CACNA2D3: variants seen among roughly 807,000 people sequenced by gnomAD.
CACNA2D3 encodes the protein calcium voltage-gated channel auxiliary subunit alpha2delta 3.
Under a neutral mutation model 160.6 loss-of-function variants are expected in CACNA2D3, and 60 were observed. The observed-to-expected ratio is 0.37, with a 90% CI of 0.30 to 0.46. CACNA2D3 has a LOEUF of 0.46. CACNA2D3 is among the 20% of genes least tolerant of loss of function. The pLI is 1.00. For missense variants in CACNA2D3, 1,205 were observed against 1,365.0 expected (o/e 0.88, Z 1.85); for synonymous variants, 558 against 492.9 (o/e 1.13, Z -1.75).
chr3:54,657,460 C>G (rs1348158115), intron 11 of CACNA2D3, among the ~76,000 whole-genome samples: 1 of 152,186 alleles, frequency 6.6e-6, no homozygotes, highest in African/African-American at 2.4e-5. Context: ...CAATGTTATA[C>G]AGCAGATCAC....
intron 4 of CACNA2D3, among the ~76,000 whole-genome samples, chr3:54,412,674 G>T (rs1699689629): frequency 8.8e-6 from 1 of 113,320 alleles, no homozygotes. Flanking sequence ...TACACTTTAT[G>T]TAATTATTCA....
intron 3 of CACNA2D3, among the ~76,000 whole-genome samples, chr3:54,378,659 A>T (rs1179765726): frequency 2.0e-5 from 3 of 152,124 alleles, no homozygotes; most frequent in African/African-American, 7.2e-5. Context: ...TTGATAATCA[A>T]CTCTAAAACA....
At chr3:54,413,801 G>C (rs1699710680) in intron 4 of CACNA2D3, among the ~76,000 whole-genome samples, 2 of 146,982 alleles carry the variant, frequency 1.4e-5, no homozygotes, top group African/African-American at 5.0e-5. Flanking sequence ...CACTGATTAT[G>C]TTTTTTTTTA....
chr3:55,025,406 C>T (rs577191717), intron 35 of CACNA2D3, among the ~76,000 whole-genome samples: 5 of 151,848 alleles, frequency 3.3e-5, no homozygotes, highest in East Asian at 1.9e-4. Flanking sequence ...CTGAGGCAGG[C>T]GTATCACTTG....
At chr3:54,507,817 C>T (rs1421063519) in intron 5 of CACNA2D3, among the ~76,000 whole-genome samples, 1 of 152,218 alleles carries the variant, frequency 6.6e-6, no homozygotes, top group Non-Finnish European at 1.5e-5. Flanking sequence ...TCTGTAACTG[C>T]ATACAATACC....
chr3:54,594,814 C>T (rs1438318920), intron 9 of CACNA2D3, among the ~76,000 whole-genome samples: 7 of 152,054 alleles, frequency 4.6e-5, no homozygotes, highest in African/African-American at 1.7e-4. Context: ...GGTCCTGGGC[C>T]CAGATGTATT....
At chr3:54,957,007 T>A (rs1701914377) in intron 27 of CACNA2D3, among the ~76,000 whole-genome samples, 1 of 152,210 alleles carries the variant, frequency 6.6e-6, no homozygotes. Flanking sequence ...ATATCAAGTT[T>A]GCAGGATGTT....
chr3:54,695,416 C>A (rs767891714), intron 11 of CACNA2D3, among the ~76,000 whole-genome samples: 5 of 149,552 alleles, frequency 3.3e-5, no homozygotes, highest in Non-Finnish European at 7.4e-5. Context: ...AAACCATCAT[C>A]TTTGTGCATA....
intron 3 of CACNA2D3, among the ~76,000 whole-genome samples, chr3:54,324,729 C>A (rs1027605862): frequency 6.6e-6 from 1 of 152,082 alleles, no homozygotes; most frequent in African/African-American, 2.4e-5. Context: ...AGCAGTTTGT[C>A]AAGTTTTAAG....
At chr3:54,471,085 A>G (rs780972407) in intron 4 of CACNA2D3, among the ~76,000 whole-genome samples, 18 of 152,196 alleles carry the variant, frequency 1.2e-4, no homozygotes, top group Non-Finnish European at 2.5e-4. Context: ...AGAACTCTCC[A>G]CCCCAAATAA....
chr3:54,501,195 C>T (rs1014622429), intron 4 of CACNA2D3, among the ~76,000 whole-genome samples: 2 of 152,168 alleles, frequency 1.3e-5, no homozygotes, highest in Admixed American at 6.5e-5. Context: ...CACATTGGAA[C>T]ACCTAAAATT....
rs529036973 is a variant in CACNA2D3 at position 54,447,779 on chromosome 3, C to T, written c.382-55713C>T. ...GCTGCAAGGATTAGTCTTGTCTTGA[C>T]GTGTATTGCTGTGAGCCAACCTTTG... On this transcript the variant is annotated intron_variant, in intron 4 of 37. Transcript: ENST00000474759. 3.3e-4 allele frequency among the ~76,000 whole-genome samples: 51 copies of T among 152,306 alleles called. 1 individual carries two copies. Among genetic ancestry groups the T allele is most frequent in the Non-Finnish European group, 4.9e-4 (33 of 68,034 alleles).
chr3:55,049,841 C>T (rs1325373565), intron 35 of CACNA2D3, among the ~76,000 whole-genome samples: 4 of 148,478 alleles, frequency 2.7e-5, no homozygotes, highest in African/African-American at 7.5e-5. Flanking sequence ...TGAATTGATC[C>T]CTTTACCATT....
chr3:54,732,031 T>G lies in CACNA2D3; in HGVS notation c.1168-20568T>G, dbSNP rs189165809. On this transcript the variant is annotated intron_variant, in intron 11 of 37. Transcript: ENST00000474759. ...TCATCTTCAAATGTTTGTGGGTTGA[T>G]GTTCACATGTCCTCATTCTGTTTTT... Among the ~76,000 whole-genome samples the G allele has an allele frequency of 4.8e-3, 724 of 152,358 alleles. 5 individuals are homozygous for G. Among genetic ancestry groups the G allele is most frequent in the African/African-American group, 0.016 (682 of 41,586 alleles).
chr3:54,127,569 C>A (rs1418026311), intron 2 of CACNA2D3, among the ~76,000 whole-genome samples: 3 of 152,138 alleles, frequency 2.0e-5, no homozygotes, highest in Admixed American at 6.6e-5. Flanking sequence ...GTGGGGGAGG[C>A]GCTGTTTTGC....
chr3:54,336,004 C>CAAAAA (rs60465412), intron 3 of CACNA2D3, among the ~76,000 whole-genome samples: 7 of 74,528 alleles, frequency 9.4e-5, no homozygotes, highest in African/African-American at 2.5e-4. Flanking sequence ...GACTCCGTCT[C>CAAAAA]AAAAAAAAAA....
chr3:54,607,315 T>G (rs1168394395), intron 9 of CACNA2D3, among the ~76,000 whole-genome samples: 1 of 152,010 alleles, frequency 6.6e-6, no homozygotes. Flanking sequence ...TGCAGCTGGT[T>G]TTTTTGTTTT....
chr3:55,024,463 A>G (rs926913376), intron 35 of CACNA2D3, among the ~76,000 whole-genome samples: 3 of 152,098 alleles, frequency 2.0e-5, no homozygotes, highest in African/African-American at 4.8e-5. Context: ...CCTTTAGGAG[A>G]TGATTAGATC....
At chr3:54,698,559 A>G (rs878926923) in intron 11 of CACNA2D3, among the ~76,000 whole-genome samples, 8 of 152,150 alleles carry the variant, frequency 5.3e-5, no homozygotes, top group Admixed American at 2.0e-4. Flanking sequence ...TGAAAACGCT[A>G]AACACCACAA....
Sources: allele counts gnomAD v4.1 joint callset (sites outside exome capture counted in the v4.1 genomes callset), GRCh38; gene constraint gnomAD v4.1.1; transcripts MANE v1.5; gene names NCBI Gene and HGNC (gene_info 2026-07-23, HGNC 2026-07-21).